NAALADL2: variants seen among roughly 807,000 people sequenced by gnomAD.
NAALADL2 encodes the protein inactive N-acetylated-alpha-linked acidic dipeptidase-like protein 2.
Under a neutral mutation model 87.2 loss-of-function variants are expected in NAALADL2, and 76 were observed. That is an observed-to-expected ratio of 0.87 (90% CI 0.72 to 1.05). The LOEUF (loss-of-function observed/expected upper bound fraction) is 1.05, where lower values mean the gene tolerates loss of function less well. Ranked by LOEUF, NAALADL2 falls within the 50% of genes least tolerant of loss-of-function variation. NAALADL2 has a pLI of 0.00. For synonymous variants in NAALADL2, 354 were observed against 331.0 expected (o/e 1.07, Z -0.75); for missense variants, 1,089 against 945.8 (o/e 1.15, Z -1.99).
intron 3 of NAALADL2, among the ~76,000 whole-genome samples, chr3:174,852,537 T>G (rs957022699): frequency 1.3e-5 from 2 of 151,976 alleles, no homozygotes; most frequent in Non-Finnish European, 2.9e-5. Context: ...TAAAAAACTA[T>G]AAAACATTGA....
At chr3:174,786,306 C>T (rs1716634252) in intron 3 of NAALADL2, among the ~76,000 whole-genome samples, 1 of 151,580 alleles carries the variant, frequency 6.6e-6, no homozygotes, top group African/African-American at 2.4e-5. Context: ...AAAAAATTAG[C>T]CGGGTGTGGT....
At position 175,467,140 on chromosome 3, in the gene NAALADL2, G is replaced by A; in HGVS notation, c.1489G>A (p.Gly497Arg). The A allele has an allele frequency of 1.2e-6, 2 of 1,613,838 alleles. No individual in the cohort carries two copies. Among genetic ancestry groups the A allele is most frequent in the Non-Finnish European group, 8.5e-7 (1 of 1,179,822 alleles). Reference sequence around the variant, plus strand: ...CCGAACTATTGTTTTCTGTTCTTGGGGAGGAACAGCTTTTGGCAATATTGG... The same window carrying A: ...CCGAACTATTGTTTTCTGTTCTTGGAGAGGAACAGCTTTTGGCAATATTGG... ...PDRTIVFCSW[G>R]GTAFGNIGSY... is the part of the protein sequence containing the mutation. The change falls in exon 8 of 14, where the codon GGA (glycine) becomes AGA (arginine). Residue 497 changes from glycine to arginine, a missense_variant. Physicochemically the swap from Gly to Arg is moderately radical, Grantham distance 125. Coordinates refer to ENST00000454872, the MANE Select transcript of NAALADL2 (RefSeq NM_207015.3).
chr3:175,342,293 G>A (rs1014403057), intron 5 of NAALADL2, among the ~76,000 whole-genome samples: 1 of 152,116 alleles, frequency 6.6e-6, no homozygotes, highest in Non-Finnish European at 1.5e-5. Flanking sequence ...TGAGATAAAA[G>A]GAGCAGGTAC....
chr3:175,695,748 T>C (rs1017694143), intron 11 of NAALADL2, among the ~76,000 whole-genome samples: 7 of 152,158 alleles, frequency 4.6e-5, no homozygotes, highest in Non-Finnish European at 7.4e-5. Flanking sequence ...ACAGGAGATA[T>C]TTTGGAGAAT....
At chr3:174,854,005 A>G (rs1358024560) in intron 3 of NAALADL2, among the ~76,000 whole-genome samples, 2 of 151,744 alleles carry the variant, frequency 1.3e-5, no homozygotes, top group South Asian at 2.1e-4. Context: ...AAACTACCAC[A>G]TGGTCCAGCT....
chr3:174,555,960 G>C (rs1712742035), intron 2 of NAALADL2, among the ~76,000 whole-genome samples: 1 of 150,072 alleles, frequency 6.7e-6, no homozygotes, highest in East Asian at 2.0e-4. Flanking sequence ...TGCTTAGAGA[G>C]AAGCCTTATC....
intron 5 of NAALADL2, among the ~76,000 whole-genome samples, chr3:175,362,928 C>A (rs1765192293): frequency 6.8e-6 from 1 of 147,738 alleles, no homozygotes; most frequent in Non-Finnish European, 1.5e-5. Flanking sequence ...TTTCCCTGAT[C>A]ATTAGTGATG....
At chr3:175,233,103 T>A (rs1346975583) in intron 2 of NAALADL2, among the ~76,000 whole-genome samples, 1 of 152,190 alleles carries the variant, frequency 6.6e-6, no homozygotes, top group Non-Finnish European at 1.5e-5. Flanking sequence ...TCCCATTGGT[T>A]TGGCAATCTC....
intron 2 of NAALADL2, among the ~76,000 whole-genome samples, chr3:175,135,564 A>G (rs538871174): frequency 5.9e-5 from 9 of 152,312 alleles, no homozygotes; most frequent in Admixed American, 5.9e-4. Context: ...ATTAAAAATT[A>G]CCGAGGAAAA....
intron 1 of NAALADL2, among the ~76,000 whole-genome samples, chr3:174,975,505 C>T (rs2108626340): frequency 6.6e-6 from 1 of 152,180 alleles, no homozygotes; most frequent in East Asian, 1.9e-4. Context: ...TTTTTAATGA[C>T]AAAAACCACA....
At chr3:174,465,188 G>A (rs1485449422) in intron 1 of NAALADL2, among the ~76,000 whole-genome samples, 1 of 152,032 alleles carries the variant, frequency 6.6e-6, no homozygotes, top group East Asian at 1.9e-4. Context: ...TTCTCTGTGT[G>A]TGTGTTCATT....
intron 5 of NAALADL2, among the ~76,000 whole-genome samples, chr3:175,387,429 C>G (rs1162745464): frequency 1.3e-5 from 2 of 152,098 alleles, no homozygotes; most frequent in Non-Finnish European, 2.9e-5. Context: ...TGCTTGATTA[C>G]TTCTCTTGTA....
intron 3 of NAALADL2, 88 bp from the exon 4 acceptor site, chr3:175,256,323 G>A: frequency 2.5e-6 from 3 of 1,211,436 alleles, no homozygotes; most frequent in Admixed American, 2.8e-5. Context: ...TTCAAATTAT[G>A]ATGAATAATT....
chr3:175,674,255 T>TG (rs997255076), intron 11 of NAALADL2, among the ~76,000 whole-genome samples: 11 of 148,922 alleles, frequency 7.4e-5, no homozygotes, highest in African/African-American at 2.9e-4. Flanking sequence ...GTGTTTTTTT[T>TG]TTTTGTTTGT....
chr3:175,074,996 C>A (rs561057433), intron 1 of NAALADL2, among the ~76,000 whole-genome samples: 206 of 152,158 alleles, frequency 1.4e-3, no homozygotes, highest in African/African-American at 4.8e-3. Context: ...TAGAGAGATA[C>A]GTAAGCAATT....
intron 3 of NAALADL2, among the ~76,000 whole-genome samples, chr3:174,798,196 C>A (rs934911084): frequency 3.3e-5 from 5 of 152,122 alleles, no homozygotes; most frequent in Non-Finnish European, 7.4e-5. Context: ...CAATTCCATT[C>A]CATTAATCTA....
chr3:175,300,140 C>G (rs1756868792), intron 4 of NAALADL2, among the ~76,000 whole-genome samples: 1 of 152,178 alleles, frequency 6.6e-6, no homozygotes, highest in Admixed American at 6.5e-5. Context: ...ATGAAGCTGA[C>G]TTGATCGTGG....
At chr3:175,527,780 T>G (rs1202887184) in intron 9 of NAALADL2, among the ~76,000 whole-genome samples, 1 of 152,228 alleles carries the variant, frequency 6.6e-6, no homozygotes, top group Admixed American at 6.5e-5. Context: ...TAAGATTTTA[T>G]AAGTCATTAT....
Position 175,579,221 on chromosome 3 carries a change from A to G in NAALADL2, c.1800+3034A>G, listed in dbSNP as rs568919153. Among the ~76,000 whole-genome samples the G allele has an allele frequency of 2.8e-3, 383 of 134,666 alleles. 3 individuals carry two copies. The highest frequency in any genetic ancestry group is 9.6e-3 in the African/African-American group (375 of 39,034). 88.3% of individuals were successfully genotyped at this position (134,666 alleles called of 152,430 possible). A position where few individuals can be genotyped will look rare whatever the true frequency, so the allele number is the denominator to read the frequency against. On this transcript the variant is annotated intron_variant, in intron 10 of 13. Coordinates refer to ENST00000454872, the MANE Select transcript of NAALADL2 (RefSeq NM_207015.3). ...CTATTATCTATCTATCTATCTATCT[A>G]TCATCTATCATCCAGTGAGATTGAT...
Sources: allele counts gnomAD v4.1 joint callset (sites outside exome capture counted in the v4.1 genomes callset), GRCh38; gene constraint gnomAD v4.1.1; transcripts MANE v1.5; gene names NCBI Gene and HGNC (gene_info 2026-07-23, HGNC 2026-07-21).